The following SLC9D1 variants were observed in gnomAD, a reference collection of about 807,000 sequenced individuals.
SLC9D1 encodes the protein putative LAG1-interacting protein.
At chr13:113,524,988 C>T in the SLC9D1 span, among the ~76,000 whole-genome samples, 55 of 151,998 alleles carry the variant, frequency 3.6e-4, no homozygotes, top group Non-Finnish European at 6.5e-4. Flanking sequence ...TTCAGGGATT[C>T]TGTTTAGGCT....
At chr13:113,512,869 T>C in the SLC9D1 span, among the ~76,000 whole-genome samples, 5 of 147,910 alleles carry the variant, frequency 3.4e-5, no homozygotes, top group Non-Finnish European at 7.5e-5. Flanking sequence ...GGGGCCAGAG[T>C]GTAGATGGAG....
the SLC9D1 span, chr13:113,535,303 C>T: frequency 0.42 from 63,955 of 152,046 alleles, 15,161 homozygotes; most frequent in African/African-American, 0.64. The surrounding 1 kb of genome is among the most constrained non-coding windows in gnomAD (Gnocchi z 4.1). Context: ...TTCTGCTTAC[C>T]GAGACGACAG....
the SLC9D1 span, among the ~76,000 whole-genome samples, chr13:113,515,046 A>G: frequency 2.6e-5 from 4 of 152,202 alleles, no homozygotes; most frequent in Non-Finnish European, 5.9e-5. Context: ...CTGATCTACC[A>G]TTGGCAAGAA....
the SLC9D1 span, chr13:113,510,222 C>G: frequency 9.9e-6 from 16 of 1,610,768 alleles, 1 homozygote; most frequent in Admixed American, 2.2e-4. Context: ...GTGTGACTCA[C>G]TGTGTTCTCT....
At chr13:113,517,123 A>G in the SLC9D1 span, among the ~76,000 whole-genome samples, 1 of 152,078 alleles carries the variant, frequency 6.6e-6, no homozygotes, top group Non-Finnish European at 1.5e-5. Context: ...GGAGTAATGT[A>G]TGTGGGACCA....
the SLC9D1 span, among the ~76,000 whole-genome samples, chr13:113,540,963 A>G: frequency 6.6e-6 from 1 of 151,986 alleles, no homozygotes; most frequent in African/African-American, 2.4e-5. Flanking sequence ...CTGTTTGTTG[A>G]GTGGGGAGTC....
the SLC9D1 span, among the ~76,000 whole-genome samples, chr13:113,525,425 CTG>C: frequency 2.1e-3 from 316 of 152,352 alleles, 1 homozygote; most frequent in African/African-American, 7.2e-3. Flanking sequence ...CAATAAATCA[CTG>C]TTACTGGTTT....
At chr13:113,518,900 A>G in the SLC9D1 span, among the ~76,000 whole-genome samples, 9 of 152,248 alleles carry the variant, frequency 5.9e-5, no homozygotes, top group South Asian at 2.1e-4. Flanking sequence ...CAATAAGTCA[A>G]TCAAGCCTTC....
chr13:113,545,058 G>A, the SLC9D1 span, among the ~76,000 whole-genome samples: 1 of 100,554 alleles, frequency 9.9e-6, no homozygotes, highest in Non-Finnish European at 1.9e-5. Context: ...GAAGCAGGCA[G>A]CTGGCTCTGG....
the SLC9D1 span, chr13:113,529,707 T>A: frequency 6.6e-6 from 1 of 151,500 alleles, no homozygotes; most frequent in Non-Finnish European, 1.5e-5. Context: ...ACGTTCCTCC[T>A]GACGCTAACA....
the SLC9D1 span, chr13:113,547,163 C>T: frequency 1.4e-6 from 1 of 706,470 alleles, no homozygotes; most frequent in Non-Finnish European, 2.5e-6. Flanking sequence ...TTTGCTGTTG[C>T]TTTCACACGT....
At chr13:113,538,830 G>C in the SLC9D1 span, among the ~76,000 whole-genome samples, 3 of 152,372 alleles carry the variant, frequency 2.0e-5, no homozygotes, top group African/African-American at 7.2e-5. Flanking sequence ...CTGCGCTGAG[G>C]CTCCCGTGTC....
At chr13:113,534,283 A>ATC in the SLC9D1 span, 1 of 1,460,090 alleles carries the variant, frequency 6.8e-7, no homozygotes, top group Non-Finnish European at 9.6e-7. Flanking sequence ...CTGATACATA[A>ATC]TCTCTTTCAC....
chr13:113,529,135 CTT>C, the SLC9D1 span: 2 of 152,218 alleles, frequency 1.3e-5, no homozygotes, highest in Non-Finnish European at 2.9e-5. Flanking sequence ...AATCAGAACA[CTT>C]TTAAAGCTTT....
the SLC9D1 span, chr13:113,549,645 G>T: frequency 1.5e-6 from 2 of 1,319,742 alleles, no homozygotes. Context: ...CAACAGAACA[G>T]CCCTCTAGCA....
At chr13:113,548,540 G>C in the SLC9D1 span, 4 of 1,425,474 alleles carry the variant, frequency 2.8e-6, no homozygotes, top group South Asian at 5.4e-5. Flanking sequence ...CGGCTCGGCA[G>C]CACAGCGGGG....
chr13:113,528,375 T>A, the SLC9D1 span: 1 of 151,952 alleles, frequency 6.6e-6, no homozygotes, highest in African/African-American at 2.4e-5. Flanking sequence ...TGGCAGGCGG[T>A]GGGGTGGAAG....
chr13:113,531,993 G>T, the SLC9D1 span, among the ~76,000 whole-genome samples: 2 of 152,322 alleles, frequency 1.3e-5, no homozygotes, highest in East Asian at 3.9e-4. Context: ...TGCACTGGGC[G>T]TGTGGCCTGG....
At chr13:113,515,789 G>C in the SLC9D1 span, among the ~76,000 whole-genome samples, 2 of 151,450 alleles carry the variant, frequency 1.3e-5, no homozygotes, top group East Asian at 3.9e-4. Context: ...CACTCAAGAG[G>C]CTGAGGCAGA....
Sources: gnomAD v4.1 joint callset for allele counts (sites outside exome capture counted in the v4.1 genomes callset) on GRCh38, gnomAD v4.1.1 for gene constraint, Gnocchi (gnomAD v3.1) non-coding constraint, MANE v1.5 for transcripts, NCBI Gene and HGNC (gene_info 2026-07-23, HGNC 2026-07-21) for gene names.